The following OTUD7B variants were observed in gnomAD, a reference collection of about 807,000 sequenced individuals.
OTUD7B encodes OTU deubiquitinase 7B, also known as OTU domain-containing protein 7B.
In OTUD7B, 34 loss-of-function variants were observed where a neutral mutation model predicts 82.2. That is an observed-to-expected ratio of 0.41 (90% CI 0.31 to 0.55). The LOEUF (loss-of-function observed/expected upper bound fraction) is 0.55, where lower values mean the gene tolerates loss of function less well. Ranked by LOEUF, OTUD7B falls within the 20% of genes least tolerant of loss-of-function variation. OTUD7B has a pLI of 0.20. For synonymous variants in OTUD7B, 398 were observed against 402.7 expected (o/e 0.99, Z 0.14); for missense variants, 944 against 1,062.1 (o/e 0.89, Z 1.55).
At chr1:150,018,793 G>A in the OTUD7B span, among the ~76,000 whole-genome samples, 1 of 152,118 alleles carries the variant, frequency 6.6e-6, no homozygotes, top group Non-Finnish European at 1.5e-5. Context: ...GAGCTGAAAG[G>A]GCTGAGTCTT....
intron 1 of OTUD7B, among the ~76,000 whole-genome samples, chr1:149,988,610 C>A (rs1651354323): frequency 6.6e-6 from 1 of 152,106 alleles, no homozygotes; most frequent in Admixed American, 6.5e-5. Flanking sequence ...AAAATGGGGG[C>A]AGGGAGAGTC....
chr1:150,032,500 T>C, the OTUD7B span, among the ~76,000 whole-genome samples: 6 of 129,800 alleles, frequency 4.6e-5, no homozygotes, highest in Non-Finnish European at 9.5e-5. Context: ...CCAGGTATGG[T>C]GGTGCATGCC....
chr1:149,958,841 C>T (rs1206556303), intron 7 of OTUD7B, among the ~76,000 whole-genome samples: 1 of 151,628 alleles, frequency 6.6e-6, no homozygotes, highest in African/African-American at 2.4e-5. Flanking sequence ...ACCTCCCCAG[C>T]TCAGGCAATC....
intron 7 of OTUD7B, 84 bp from the exon 8 acceptor site, chr1:149,950,305 C>T: frequency 7.3e-7 from 1 of 1,365,688 alleles, no homozygotes; most frequent in South Asian, 1.3e-5. Context: ...ACCAGTTCTG[C>T]AGAAAGGGAA....
chr1:150,055,164 A>C, the OTUD7B span: 1 of 151,644 alleles, frequency 6.6e-6, no homozygotes, highest in Admixed American at 6.7e-5. Context: ...CAGTCTTCCG[A>C]GTAGCTGGGA....
chr1:149,990,788 G>C (rs186191364), intron 1 of OTUD7B, among the ~76,000 whole-genome samples: 3 of 152,088 alleles, frequency 2.0e-5, no homozygotes, highest in African/African-American at 7.2e-5. Flanking sequence ...CTGAGGTCAG[G>C]AGTTTGCGAC....
upstream of OTUD7B, among the ~76,000 whole-genome samples, chr1:150,011,702 T>C (rs888294396): frequency 6.6e-6 from 1 of 152,256 alleles, no homozygotes; most frequent in Non-Finnish European, 1.5e-5. Context: ...ACCCCGGCTA[T>C]ACTCTAACAA....
At chr1:150,035,878 T>G in the OTUD7B span, among the ~76,000 whole-genome samples, 1 of 152,142 alleles carries the variant, frequency 6.6e-6, no homozygotes, top group African/African-American at 2.4e-5. Flanking sequence ...CCATAAAATA[T>G]CTTTGCCTGC....
At chr1:150,063,061 A>T in the OTUD7B span, among the ~76,000 whole-genome samples, 1 of 151,966 alleles carries the variant, frequency 6.6e-6, no homozygotes, top group Non-Finnish European at 1.5e-5. Context: ...TTTCACTCAG[A>T]CTAGATCATT....
At chr1:149,970,459 T>C (rs1291017529) in intron 3 of OTUD7B, among the ~76,000 whole-genome samples, 6 of 151,828 alleles carry the variant, frequency 4.0e-5, no homozygotes, top group Non-Finnish European at 8.8e-5. Context: ...GCTGGGATTA[T>C]AGGCATGTAC....
intron 1 of OTUD7B, among the ~76,000 whole-genome samples, chr1:149,979,090 A>C (rs1222215326): frequency 1.3e-5 from 2 of 151,862 alleles, no homozygotes; most frequent in Non-Finnish European, 2.9e-5. Context: ...AGTACAAGAG[A>C]TCCATGAGCG....
rs1022299531 is a variant in OTUD7B at position 149,938,847 on chromosome 1, G to T, written c.*5010C>A. 1 of 144,672 alleles carries T rather than the reference G, an allele frequency of 6.9e-6. No individual in the cohort carries two copies. Among genetic ancestry groups the T allele is most frequent in the Non-Finnish European group, 1.5e-5 (1 of 67,398 alleles). The allele number at this position is 144,672 out of a possible 1,614,324, so 9.0% of individuals were successfully genotyped here. A position where few individuals can be genotyped will look rare whatever the true frequency, so the allele number is the denominator to read the frequency against. On this transcript the variant is annotated 3_prime_UTR_variant, in exon 12 of 12. Coordinates refer to ENST00000581312, the MANE Select transcript of OTUD7B (RefSeq NM_020205.4). The stretch of plus-strand genomic sequence containing the variant: ...CTCGGGAGCCTGAGGCAGGAGAATC[G>T]CTTGAACCCAGGAGACGAAGGTTGC...
intron 6 of OTUD7B, 21 bp downstream of exon 6, chr1:149,964,201 C>T (rs782074134): frequency 5.0e-6 from 8 of 1,608,408 alleles, no homozygotes; most frequent in Non-Finnish European, 5.1e-6. Flanking sequence ...AAACAAGGCG[C>T]TCCCACCCAC....
the OTUD7B span, among the ~76,000 whole-genome samples, chr1:150,020,957 G>A: frequency 2.8e-4 from 42 of 152,260 alleles, no homozygotes; most frequent in East Asian, 2.5e-3. Context: ...CTGGGGCAGC[G>A]CCTTCCACCT....
Position 149,949,726 on chromosome 1 carries a change from G to A in OTUD7B, c.1026C>T (p.Ala342=). The change falls in exon 9 of 12, where the codon GCC becomes GCT. Residue 342 remains alanine, a synonymous_variant. Coordinates refer to ENST00000581312, the MANE Select transcript of OTUD7B (RefSeq NM_020205.4). ...CCAGAGGGGAGCGGTGACACTGGCT[G>A]GCTGGGACCTCCAAAGGCAGATAGA... ...GGIYLPLEVP[A]SQCHRSPLVL... is the part of the protein sequence containing the mutation. The A allele has an allele frequency of 6.2e-7, 1 of 1,614,142 alleles. No individual in the cohort carries two copies. Among genetic ancestry groups the A allele is most frequent in the Non-Finnish European group, 8.5e-7 (1 of 1,180,006 alleles).
At chr1:150,067,639 G>A in the OTUD7B span, 5 of 514,298 alleles carry the variant, frequency 9.7e-6, no homozygotes, top group South Asian at 3.0e-5. Context: ...GCGTGGCAGC[G>A]GCCCAGGCCG....
At chr1:149,967,957 T>G (rs1649627565) in intron 3 of OTUD7B, among the ~76,000 whole-genome samples, 1 of 152,160 alleles carries the variant, frequency 6.6e-6, no homozygotes, top group Non-Finnish European at 1.5e-5. Flanking sequence ...AAATACCTTT[T>G]CTAAAGGGTA....
rs185090351 is a variant in OTUD7B at position 149,993,262 on chromosome 1, C to T, written c.-66-15686G>A. 4.5e-4 allele frequency among the ~76,000 whole-genome samples: 68 copies of T among 152,336 alleles called. 1 individual carries two copies. In the East Asian group the frequency reaches 0.013, roughly 29 times the overall value. ...TCCTCTTCCCCTGAGGAAGGCCCAC[C>T]ATCAGTACAGTAGTGCCCAGGTCAC... On this transcript the variant is annotated intron_variant, in intron 1 of 11. Transcript: ENST00000581312.
At chr1:150,048,784 A>G in the OTUD7B span, among the ~76,000 whole-genome samples, 1 of 152,022 alleles carries the variant, frequency 6.6e-6, no homozygotes, top group Non-Finnish European at 1.5e-5. Context: ...AAAACATAAA[A>G]CTCATAGATT....
Sources: gnomAD v4.1 joint callset for allele counts (sites outside exome capture counted in the v4.1 genomes callset) on GRCh38, gnomAD v4.1.1 for gene constraint, MANE v1.5 for transcripts, NCBI Gene and HGNC (gene_info 2026-07-23, HGNC 2026-07-21) for gene names.